ARHGEF11: variants seen among roughly 807,000 people sequenced by gnomAD.
The protein encoded by ARHGEF11 is Rho guanine exchange factor (GEF) 11.
ARHGEF11 carries 55 observed loss-of-function variants against 193.7 expected under a neutral mutation model. The ratio of observed to expected loss-of-function variants is 0.28; its 90% CI spans 0.23 to 0.36. The LOEUF (loss-of-function observed/expected upper bound fraction) is 0.36, where lower values mean the gene tolerates loss of function less well. Among genes scored for constraint, ARHGEF11 ranks in the 10% least tolerant of loss-of-function variants. ARHGEF11 has a pLI of 1.00. For missense variants in ARHGEF11, 1,723 were observed against 2,005.6 expected (o/e 0.86, Z 2.69); for synonymous variants, 693 against 768.0 (o/e 0.90, Z 1.62).
chr1:157,039,971 C>T (rs886163738), intron 1 of ARHGEF11, among the ~76,000 whole-genome samples: 4 of 152,172 alleles, frequency 2.6e-5, no homozygotes, highest in East Asian at 1.9e-4. Flanking sequence ...TAGCTATGTG[C>T]TGTTCACAAA....
At chr1:156,991,915 A>G (rs1237704726) in intron 1 of ARHGEF11, among the ~76,000 whole-genome samples, 1 of 147,124 alleles carries the variant, frequency 6.8e-6, no homozygotes, top group Non-Finnish European at 1.5e-5. Context: ...ACGGGGTTTC[A>G]CCGTTTTAGC....
At chr1:157,028,834 C>T (rs1316958970) in intron 1 of ARHGEF11, among the ~76,000 whole-genome samples, 2 of 152,066 alleles carry the variant, frequency 1.3e-5, no homozygotes, top group African/African-American at 4.8e-5. Context: ...TTCACACCCA[C>T]AATCCTAGCT....
In ARHGEF11 at chr1:156,948,348, G is replaced by A; in HGVS notation, c.2076C>T (p.Ala692=). 6.2e-7 allele frequency: 1 copy of A among 1,614,218 alleles called. No homozygotes were observed. Residue 692 remains alanine, a synonymous_variant, in exon 23 of 41, where the codon GCC becomes GCT. Coordinates refer to ENST00000368194, the MANE Select transcript of ARHGEF11 (RefSeq NM_198236.3). The surrounding 1 kb of genome is among the most constrained non-coding windows in gnomAD (Gnocchi z 4.2). The stretch of plus-strand genomic sequence containing the variant: ...TGGAGAGGCTGGAGGTAGAGGACGA[G>A]GCTGACTGGTGCAGGCGAGTAGCCT... The part of the protein sequence containing the change: ...AAEATRLHQS[A]SSSTSSLSTR...
At chr1:156,992,414 T>G (rs4275447) in intron 1 of ARHGEF11, among the ~76,000 whole-genome samples, 29,694 of 152,196 alleles carry the variant, frequency 0.2, 3,043 homozygotes, top group East Asian at 0.33. Context: ...GGTTGCAGTG[T>G]GGACTTCCCG....
chr1:156,952,092 T>C (rs1320019685), intron 21 of ARHGEF11, among the ~76,000 whole-genome samples: 6 of 152,150 alleles, frequency 3.9e-5, no homozygotes, highest in East Asian at 1.9e-4. Flanking sequence ...AATTTGGCCA[T>C]GTTGCCAAAA....
In ARHGEF11 at chr1:157,044,345, T is replaced by C; in HGVS notation, c.-15A>G. 6.2e-7 allele frequency: 1 copy of C among 1,613,436 alleles called. No homozygotes were observed. Among genetic ancestry groups the C allele is most frequent in the Non-Finnish European group, 8.5e-7 (1 of 1,179,664 alleles). On this transcript the variant is annotated 5_prime_UTR_variant, in exon 1 of 41. Coordinates refer to ENST00000368194, the MANE Select transcript of ARHGEF11 (RefSeq NM_198236.3). ...CTTACACTCATGGTTTCTCGGTGTC[T>C]CCACGGTTCCAGAATCCTGTAGCTT...
intron 3 of ARHGEF11, among the ~76,000 whole-genome samples, chr1:156,981,402 T>C (rs1374946139): frequency 6.6e-6 from 1 of 152,134 alleles, no homozygotes; most frequent in Non-Finnish European, 1.5e-5. Flanking sequence ...GACTGTGAGG[T>C]GCTCAAAAGA....
chr1:156,947,993 G>A (rs758906901), intron 24 of ARHGEF11, 37 bp from the exon 25 acceptor site: 18 of 1,604,178 alleles, frequency 1.1e-5, no homozygotes, highest in African/African-American at 1.3e-5. Context: ...CATTTAGGAG[G>A]AAGAACTCAC....
intron 1 of ARHGEF11, among the ~76,000 whole-genome samples, chr1:156,986,469 G>A (rs3737600): frequency 0.19 from 29,608 of 152,062 alleles, 3,029 homozygotes; most frequent in East Asian, 0.33. Flanking sequence ...AAGGGGATGT[G>A]CACACGTGTA....
At chr1:157,007,731 C>T (rs1668000252) in intron 1 of ARHGEF11, among the ~76,000 whole-genome samples, 1 of 152,154 alleles carries the variant, frequency 6.6e-6, no homozygotes, top group Admixed American at 6.5e-5. Flanking sequence ...ACAAATACCA[C>T]CTAAGGTGAT....
intron 11 of ARHGEF11, 123 bp downstream of exon 11, chr1:156,967,864 A>C: frequency 7.5e-7 from 1 of 1,335,418 alleles, no homozygotes; most frequent in Non-Finnish European, 1.1e-6. Flanking sequence ...GACTGTCTCA[A>C]AGTTTGGGTT....
At chr1:156,967,520 G>A (rs1484938872) in intron 11 of ARHGEF11, among the ~76,000 whole-genome samples, 5 of 151,956 alleles carry the variant, frequency 3.3e-5, no homozygotes, top group African/African-American at 1.2e-4. Flanking sequence ...CCATGGAAGT[G>A]CCCTTGAGGG....
Position 156,958,819 on chromosome 1 carries a change from G to A in ARHGEF11, c.1425C>T (p.Asp475=). Residue 475 remains aspartate (D), a synonymous_variant, in exon 17 of 41, where the codon GAC becomes GAT. Transcript: ENST00000368194. The part of the protein sequence containing the change: ...LGLGSLYGEN[D]LLDLDGDPLR... ...GAGGGTCCCCATCCAGGTCCAGCAGGTCATTTTCACCATACAGGCTGCCCA... is the reference window on the plus strand; with the variant it reads ...GAGGGTCCCCATCCAGGTCCAGCAGATCATTTTCACCATACAGGCTGCCCA... 1 of 1,614,214 alleles carries A rather than the reference G, an allele frequency of 6.2e-7. No individual in the cohort carries two copies. The highest frequency in any genetic ancestry group is 8.5e-7 in the Non-Finnish European group (1 of 1,180,040).
intron 1 of ARHGEF11, among the ~76,000 whole-genome samples, chr1:157,027,373 C>T (rs1384738012): frequency 6.6e-6 from 1 of 152,118 alleles, no homozygotes; most frequent in Non-Finnish European, 1.5e-5. Flanking sequence ...CAGAGTGAGA[C>T]CCTGTCTCAC....
At chr1:156,988,952 G>A (rs1203021470) in intron 1 of ARHGEF11, among the ~76,000 whole-genome samples, 1 of 152,140 alleles carries the variant, frequency 6.6e-6, no homozygotes, top group Admixed American at 6.5e-5. Flanking sequence ...TATTTGGGAG[G>A]AAGACCTTGG....
rs187367318 is a variant in ARHGEF11 at position 157,022,947 on chromosome 1, C to T, written c.32+21352G>A. 1.5e-3 allele frequency among the ~76,000 whole-genome samples: 228 copies of T among 152,230 alleles called. 1 individual carries two copies. The Middle Eastern group carries it at 0.017, about 11-fold the overall frequency. On this transcript the variant is annotated intron_variant, in intron 1 of 40. Coordinates refer to ENST00000368194, the MANE Select transcript of ARHGEF11 (RefSeq NM_198236.3). ...AATGGGGCTGGGACAATCAGAAATC[C>T]ATAAGCAAAAGTACGAAGTTGGACC...
intron 12 of ARHGEF11, 24 bp from the exon 13 acceptor site, chr1:156,963,328 G>A (rs1317854470): frequency 1.2e-6 from 2 of 1,603,068 alleles, no homozygotes; most frequent in Non-Finnish European, 1.7e-6. Flanking sequence ...GGATGAGCAT[G>A]GTGGGAAGCC....
chr1:156,965,806 T>C (rs1018052986), intron 11 of ARHGEF11, among the ~76,000 whole-genome samples: 1 of 152,202 alleles, frequency 6.6e-6, no homozygotes, highest in African/African-American at 2.4e-5. Flanking sequence ...AAAAGTATGT[T>C]CACTTAGGCC....
At chr1:157,014,873 G>A (rs1489454370) in intron 1 of ARHGEF11, among the ~76,000 whole-genome samples, 2 of 152,110 alleles carry the variant, frequency 1.3e-5, no homozygotes, top group African/African-American at 4.8e-5. Context: ...TTAGGAGACA[G>A]TGCGTACTCT....
Sources: allele counts gnomAD v4.1 joint callset (sites outside exome capture counted in the v4.1 genomes callset), GRCh38; gene constraint gnomAD v4.1.1; non-coding constraint Gnocchi (gnomAD v3.1); transcripts MANE v1.5; gene names NCBI Gene and HGNC (gene_info 2026-07-23, HGNC 2026-07-21).